Variants in ATRNL1 observed in about 807,000 individuals in gnomAD.
The protein encoded by ATRNL1 is attractin-like protein 1.
ATRNL1 carries 95 observed loss-of-function variants against 182.7 expected under a neutral mutation model. The observed-to-expected ratio is 0.52, with a 90% CI of 0.44 to 0.62. The LOEUF (loss-of-function observed/expected upper bound fraction) is 0.62, where lower values mean the gene tolerates loss of function less well. Ranked by LOEUF, ATRNL1 falls within the 20% of genes least tolerant of loss-of-function variation. ATRNL1 has a pLI of 0.00. For missense variants in ATRNL1, 1,471 were observed against 1,679.5 expected (o/e 0.88, Z 2.17); for synonymous variants, 576 against 568.3 (o/e 1.01, Z -0.19).
intron 26 of ATRNL1, among the ~76,000 whole-genome samples, chr10:115,679,420 C>T (rs11814886): frequency 1.5e-3 from 224 of 151,982 alleles, no homozygotes; most frequent in African/African-American, 5.3e-3. Flanking sequence ...TCCTATGTGC[C>T]AATTACCCTG....
chr10:115,247,064 C>G (rs1476479470), intron 10 of ATRNL1, among the ~76,000 whole-genome samples: 2 of 152,014 alleles, frequency 1.3e-5, no homozygotes, highest in Non-Finnish European at 2.9e-5. Context: ...AATAAAACAA[C>G]AGAAAACAGG....
intron 24 of ATRNL1, among the ~76,000 whole-genome samples, chr10:115,490,614 C>T (rs571735841): frequency 6.6e-6 from 1 of 152,210 alleles, no homozygotes; most frequent in Admixed American, 6.5e-5. Flanking sequence ...TTCTAGTTAG[C>T]AATTCATCTA....
At chr10:115,163,553 C>T (rs1220821216) in intron 6 of ATRNL1, among the ~76,000 whole-genome samples, 3 of 151,410 alleles carry the variant, frequency 2.0e-5, no homozygotes, top group Non-Finnish European at 4.4e-5. Flanking sequence ...TTTGTAGAGG[C>T]GGGGTCTCCC....
chr10:115,669,697 CA>C (rs1334486911), intron 26 of ATRNL1, among the ~76,000 whole-genome samples: 4 of 152,020 alleles, frequency 2.6e-5, no homozygotes, highest in Non-Finnish European at 2.9e-5. Context: ...CACTGGAGCA[CA>C]AAAATATTTT....
At chr10:115,360,475 A>G (rs1409679917) in intron 19 of ATRNL1, among the ~76,000 whole-genome samples, 3 of 151,734 alleles carry the variant, frequency 2.0e-5, no homozygotes, top group African/African-American at 7.2e-5. Flanking sequence ...CATATTTCTT[A>G]AAAACTAGGA....
intron 10 of ATRNL1, among the ~76,000 whole-genome samples, chr10:115,243,490 C>T (rs1195982547): frequency 6.6e-6 from 1 of 151,952 alleles, no homozygotes; most frequent in Non-Finnish European, 1.5e-5. Flanking sequence ...TCCTAATATT[C>T]AGAAGATTAA....
At chr10:115,676,705 G>A (rs564896722) in intron 26 of ATRNL1, among the ~76,000 whole-genome samples, 1 of 151,430 alleles carries the variant, frequency 6.6e-6, no homozygotes, top group Non-Finnish European at 1.5e-5. Context: ...AAGATAAAAG[G>A]CAAACATAAG....
At chr10:115,562,200 T>C (rs1268168428) in intron 26 of ATRNL1, among the ~76,000 whole-genome samples, 3 of 152,144 alleles carry the variant, frequency 2.0e-5, no homozygotes, top group African/African-American at 4.8e-5. Flanking sequence ...TAAAAAGGAA[T>C]GAAGTACTGA....
At chr10:115,195,956 C>T (rs1369411910) in intron 8 of ATRNL1, among the ~76,000 whole-genome samples, 2 of 151,916 alleles carry the variant, frequency 1.3e-5, no homozygotes, top group Admixed American at 6.6e-5. Context: ...ATTTGTGATC[C>T]ATTTGAGTGA....
intron 26 of ATRNL1, among the ~76,000 whole-genome samples, chr10:115,642,283 A>T (rs74161620): frequency 0.023 from 3,448 of 152,314 alleles, 118 homozygotes; most frequent in African/African-American, 0.078. Context: ...TATGAATTTA[A>T]CAAAGTGTTC....
chr10:115,660,957 A>G (rs113679431), intron 26 of ATRNL1, among the ~76,000 whole-genome samples: 3,034 of 152,210 alleles, frequency 0.02, 65 homozygotes, highest in East Asian at 0.12. Context: ...GATTAAAGGT[A>G]TAGGGAAATG....
chr10:115,924,219 G>A (rs1422835997), intron 28 of ATRNL1, among the ~76,000 whole-genome samples: 1 of 152,120 alleles, frequency 6.6e-6, no homozygotes, highest in Non-Finnish European at 1.5e-5. Flanking sequence ...CCTGATGATA[G>A]TTTCTTTTGC....
intron 24 of ATRNL1, among the ~76,000 whole-genome samples, chr10:115,497,017 C>A (rs1378740927): frequency 6.6e-6 from 1 of 152,084 alleles, no homozygotes; most frequent in African/African-American, 2.4e-5. Context: ...GATTTGGTTT[C>A]TTTACATAAT....
intron 28 of ATRNL1, among the ~76,000 whole-genome samples, chr10:115,912,118 A>G (rs1245784593): frequency 6.6e-6 from 1 of 152,232 alleles, no homozygotes; most frequent in African/African-American, 2.4e-5. Flanking sequence ...GCCTAGTTCT[A>G]GAAGTCATCA....
chr10:115,692,584 A>G (rs1399672861), intron 26 of ATRNL1, among the ~76,000 whole-genome samples: 3 of 151,982 alleles, frequency 2.0e-5, no homozygotes, highest in African/African-American at 7.2e-5. Context: ...TTGTAATACA[A>G]TAGCACTTGT....
At chr10:115,693,745 G>T (rs1946466102) in intron 26 of ATRNL1, among the ~76,000 whole-genome samples, 1 of 152,008 alleles carries the variant, frequency 6.6e-6, no homozygotes, top group Non-Finnish European at 1.5e-5. Flanking sequence ...AAGTATTTGT[G>T]TATCTAAATA....
chr10:115,631,353 A>C (rs1858496116), intron 26 of ATRNL1, among the ~76,000 whole-genome samples: 1 of 152,110 alleles, frequency 6.6e-6, no homozygotes, highest in Non-Finnish European at 1.5e-5. Context: ...TATAAAAATA[A>C]ATTGACAATA....
intron 10 of ATRNL1, among the ~76,000 whole-genome samples, chr10:115,259,291 G>T (rs973704061): frequency 2.0e-5 from 3 of 152,154 alleles, no homozygotes; most frequent in African/African-American, 4.8e-5. Context: ...TAAGCTTCCT[G>T]GCCGCTTTGT....
At position 115,354,136 on chromosome 10, in the gene ATRNL1, AT is replaced by A. The variant is rs545834683; in HGVS notation, c.3175+19726del. Among the ~76,000 whole-genome samples the A allele has an allele frequency of 4.6e-5, 7 of 151,252 alleles. No homozygotes were observed. The South Asian group carries it at 6.3e-4, about 14-fold the overall frequency. The stretch of plus-strand genomic sequence containing the variant: ...CAGTAAACTTTCTTAAAACATTATA[AT>A]TTTTTTTTAGCTCATCCACTATCAT... On this transcript the variant is annotated intron_variant, in intron 19 of 28. Transcript: ENST00000355044.
Sources: gnomAD v4.1 joint callset for allele counts (sites outside exome capture counted in the v4.1 genomes callset) on GRCh38, gnomAD v4.1.1 for gene constraint, MANE v1.5 for transcripts, NCBI Gene and HGNC (gene_info 2026-07-23, HGNC 2026-07-21) for gene names.